The following MCTP1 variants were observed in gnomAD, a reference collection of about 807,000 sequenced individuals.
The protein encoded by MCTP1 is multiple C2 and transmembrane domain-containing protein 1.
In MCTP1, 69 loss-of-function variants were observed where a neutral mutation model predicts 120.6. The observed-to-expected ratio is 0.57, with a 90% CI of 0.47 to 0.70. The LOEUF is 0.70. MCTP1 is among the 30% of genes least tolerant of loss of function. The probability of loss-of-function intolerance (pLI) is 0.00; values close to 1 mark genes in which losing one functional copy is unlikely to be tolerated. For synonymous variants in MCTP1, 529 were observed against 493.1 expected (o/e 1.07, Z -0.96); for missense variants, 1,203 against 1,248.8 (o/e 0.96, Z 0.55).
Position 94,841,838 on chromosome 5 carries a change from C to T in MCTP1, c.2436+26495G>A, listed in dbSNP as rs528439622. Among the ~76,000 whole-genome samples the T allele has an allele frequency of 4.1e-4, 62 of 152,232 alleles. 1 individual carries two copies. In the South Asian group the frequency reaches 0.013, roughly 31 times the overall value. Reference sequence around the variant, plus strand: ...TGGGCATTAAATTTGCATACAGCCCCGAGCACAGAGGTTCCTGTATGTGCA... The same window carrying T: ...TGGGCATTAAATTTGCATACAGCCCTGAGCACAGAGGTTCCTGTATGTGCA... On this transcript the variant is annotated intron_variant, in intron 17 of 22. Coordinates refer to ENST00000515393, the MANE Select transcript of MCTP1 (RefSeq NM_024717.7).
At chr5:94,744,603 A>G (rs763693567) in intron 19 of MCTP1, among the ~76,000 whole-genome samples, 1 of 152,118 alleles carries the variant, frequency 6.6e-6, no homozygotes, top group East Asian at 1.9e-4. Context: ...TCCCAGGTTC[A>G]AGGGATTCTC....
At chr5:95,095,006 A>ATTTTTTTTTTTTTTT (rs756132693) in intron 1 of MCTP1, among the ~76,000 whole-genome samples, 2 of 36,964 alleles carry the variant, frequency 5.4e-5, no homozygotes, top group African/African-American at 2.5e-4. Flanking sequence ...GTTATGTTAG[A>ATTTTTTTTTTTTTTT]TTTTTTTTTT....
chr5:95,012,753 C>T (rs889867009), intron 2 of MCTP1, among the ~76,000 whole-genome samples: 1 of 152,066 alleles, frequency 6.6e-6, no homozygotes, highest in African/African-American at 2.4e-5. Flanking sequence ...CTGACTGCTC[C>T]ACCGACCAGC....
chr5:95,138,366 G>C (rs1004939176), intron 1 of MCTP1, among the ~76,000 whole-genome samples: 1 of 152,124 alleles, frequency 6.6e-6, no homozygotes, highest in Non-Finnish European at 1.5e-5. Flanking sequence ...CAGTGGAGCT[G>C]AATAAGAACA....
intron 2 of MCTP1, among the ~76,000 whole-genome samples, chr5:94,993,194 A>G (rs539184219): frequency 3.9e-5 from 6 of 152,344 alleles, no homozygotes; most frequent in African/African-American, 1.4e-4. Context: ...CTTTGAGTAC[A>G]TTTTGACATA....
At chr5:95,270,578 A>AG (rs11393850) in intron 1 of MCTP1, among the ~76,000 whole-genome samples, 132,463 of 151,978 alleles carry the variant, frequency 0.87, 57,827 homozygotes, top group African/African-American at 0.92. Flanking sequence ...AGGCCAGCTC[A>AG]GGGTAGGCTG....
intron 17 of MCTP1, among the ~76,000 whole-genome samples, chr5:94,853,961 G>T (rs1794252783): frequency 6.6e-6 from 1 of 151,802 alleles, no homozygotes; most frequent in African/African-American, 2.4e-5. Context: ...GTAGACACAG[G>T]CAGATGGTGG....
At chr5:95,016,244 G>A (rs1274802680) in intron 2 of MCTP1, among the ~76,000 whole-genome samples, 6 of 151,730 alleles carry the variant, frequency 4.0e-5, no homozygotes, top group Admixed American at 3.9e-4. Context: ...TCAAGCTCCT[G>A]GCCTCAAGTA....
intron 1 of MCTP1, among the ~76,000 whole-genome samples, chr5:95,080,089 C>G (rs1022396390): frequency 6.6e-6 from 1 of 152,154 alleles, no homozygotes; most frequent in South Asian, 2.1e-4. Context: ...GGAGGAATCT[C>G]TTTTTGCTAA....
chr5:95,032,565 G>A (rs926047289), intron 1 of MCTP1, among the ~76,000 whole-genome samples: 15 of 151,848 alleles, frequency 9.9e-5, no homozygotes, highest in South Asian at 2.1e-4. Flanking sequence ...AAACATACCC[G>A]AACCTCTGGA....
At chr5:94,991,001 T>G (rs1831453320) in intron 2 of MCTP1, among the ~76,000 whole-genome samples, 1 of 152,148 alleles carries the variant, frequency 6.6e-6, no homozygotes, top group Non-Finnish European at 1.5e-5. Flanking sequence ...CACAAGCCCC[T>G]GCCATTCACC....
intron 1 of MCTP1, among the ~76,000 whole-genome samples, chr5:95,050,804 G>C (rs1745705907): frequency 6.6e-6 from 1 of 152,228 alleles, no homozygotes; most frequent in African/African-American, 2.4e-5. Context: ...TTTGGAAACA[G>C]TGTTGTTGTA....
chr5:94,962,430 G>T (rs1561934027), intron 2 of MCTP1, among the ~76,000 whole-genome samples: 1 of 149,172 alleles, frequency 6.7e-6, no homozygotes, highest in Non-Finnish European at 1.5e-5. Flanking sequence ...TAAAGAAATT[G>T]ATATATATAT....
At chr5:94,812,164 G>A (rs901484276) in intron 17 of MCTP1, among the ~76,000 whole-genome samples, 1 of 152,068 alleles carries the variant, frequency 6.6e-6, no homozygotes, top group African/African-American at 2.4e-5. Context: ...AACAAAAGGG[G>A]ATATTAAGCA....
chr5:95,240,718 G>A (rs1171236005), intron 1 of MCTP1, among the ~76,000 whole-genome samples: 2 of 152,136 alleles, frequency 1.3e-5, no homozygotes, highest in Admixed American at 6.6e-5. Context: ...TGTATAGGCT[G>A]GCAGGTTTAA....
At chr5:95,119,703 G>A (rs1185400035) in intron 1 of MCTP1, among the ~76,000 whole-genome samples, 1 of 152,104 alleles carries the variant, frequency 6.6e-6, no homozygotes, top group Non-Finnish European at 1.5e-5. Context: ...AACTAATACT[G>A]CAGAAATTCA....
intron 20 of MCTP1, among the ~76,000 whole-genome samples, chr5:94,714,354 A>T (rs1430652909): frequency 1.3e-5 from 2 of 152,158 alleles, no homozygotes; most frequent in South Asian, 2.1e-4. Flanking sequence ...TTAATTTTTT[A>T]AAAAATTTAG....
At chr5:95,172,701 C>T (rs903371068) in intron 1 of MCTP1, among the ~76,000 whole-genome samples, 1 of 152,038 alleles carries the variant, frequency 6.6e-6, no homozygotes, top group African/African-American at 2.4e-5. Flanking sequence ...AATATATGCA[C>T]AATACATATT....
intron 9 of MCTP1, among the ~76,000 whole-genome samples, chr5:94,911,433 G>A (rs905694063): frequency 2.0e-5 from 3 of 152,172 alleles, no homozygotes; most frequent in African/African-American, 4.8e-5. Flanking sequence ...AATCATGGGG[G>A]CGGACATCCC....
Sources: allele counts gnomAD v4.1 joint callset (sites outside exome capture counted in the v4.1 genomes callset), GRCh38; gene constraint gnomAD v4.1.1; transcripts MANE v1.5; gene names NCBI Gene and HGNC (gene_info 2026-07-23, HGNC 2026-07-21).